OSBPL11: variants seen among roughly 807,000 people sequenced by gnomAD.
OSBPL11 encodes the protein oxysterol binding protein like 11, also known as oxysterol-binding protein-related protein 11.
OSBPL11 carries 33 observed loss-of-function variants against 84.4 expected under a neutral mutation model. That is an observed-to-expected ratio of 0.39 (90% confidence interval 0.30 to 0.52). OSBPL11 has a LOEUF of 0.52. OSBPL11 is among the 20% of genes least tolerant of loss of function. The pLI is 0.72. For missense variants in OSBPL11, 736 were observed against 901.1 expected, an observed-to-expected ratio of 0.82 and a Z score of 2.35; for synonymous variants, 276 against 310.2, an observed-to-expected ratio of 0.89 and a Z score of 1.16.
At chr3:125,567,274 G>C in intron 6 of OSBPL11, 120 bp downstream of exon 6, 2 of 820,814 alleles carry the variant, frequency 2.4e-6, no homozygotes, top group Non-Finnish European at 3.9e-6. Context: ...AAACCAACAG[G>C]CTCTGGTTTT....
chr3:125,563,867 C>T (rs376355143), intron 6 of OSBPL11, 24 bp from the exon 7 acceptor site: 50 of 1,607,024 alleles, frequency 3.1e-5, no homozygotes, highest in East Asian at 6.7e-5. Flanking sequence ...AGAAAACTTT[C>T]GCTGAAACTT....
rs201858368 is a variant in OSBPL11 at position 125,540,328 on chromosome 3, C to CA, written c.1842-1696dup. ...TGGGCGACAGAGGATGGCTCTGTCT[C>CA]AAAAAAAAAAAAAAAAAAAAAAAAA... On this transcript the variant is annotated intron_variant, in intron 10 of 12. Coordinates refer to ENST00000296220, the MANE Select transcript of OSBPL11 (RefSeq NM_022776.5). Among the ~76,000 whole-genome samples, 312 of 85,274 alleles carry CA rather than the reference C, an allele frequency of 3.7e-3. 29 individuals carry two copies. Among genetic ancestry groups the CA allele is most frequent in the Middle Eastern group, 0.026 (4 of 156 alleles). The allele number at this position is 85,274 out of a possible 152,430, so 55.9% of individuals were successfully genotyped here. A position where few individuals can be genotyped will look rare whatever the true frequency, so the allele number is the denominator to read the frequency against.
intron 3 of OSBPL11, 31 bp from the exon 4 acceptor site, chr3:125,579,070 T>C (rs1450310759): frequency 1.4e-6 from 2 of 1,449,622 alleles, no homozygotes; most frequent in South Asian, 2.5e-5. Flanking sequence ...TTATTTTATA[T>C]TTATTTATTC....
At chr3:125,578,702 C>T (rs575483063) in intron 4 of OSBPL11, among the ~76,000 whole-genome samples, 1 of 151,772 alleles carries the variant, frequency 6.6e-6, no homozygotes, top group African/African-American at 2.4e-5. Context: ...ACCCGGGAGG[C>T]AGAGGTTGCA....
chr3:125,588,277 A>C (rs1365434235), intron 1 of OSBPL11, among the ~76,000 whole-genome samples: 1 of 151,946 alleles, frequency 6.6e-6, no homozygotes, highest in African/African-American at 2.4e-5. Context: ...GTAAGATATG[A>C]CAAAGACTGA....
intron 1 of OSBPL11, among the ~76,000 whole-genome samples, chr3:125,592,922 T>C (rs1381509921): frequency 6.6e-6 from 1 of 152,086 alleles, no homozygotes; most frequent in Non-Finnish European, 1.5e-5. Flanking sequence ...AACACATAAG[T>C]GTAAATCTTT....
At chr3:125,571,782 C>T (rs540746753) in intron 5 of OSBPL11, among the ~76,000 whole-genome samples, 117 of 152,314 alleles carry the variant, frequency 7.7e-4, no homozygotes, top group African/African-American at 2.7e-3. Flanking sequence ...CACCTGGATG[C>T]CCAGGCAGAG....
At chr3:125,560,822 C>T (rs1260270537) in intron 7 of OSBPL11, among the ~76,000 whole-genome samples, 6 of 152,166 alleles carry the variant, frequency 3.9e-5, no homozygotes, top group Non-Finnish European at 5.9e-5. Context: ...CTCCAGCCTC[C>T]AGAGTCGCTG....
chr3:125,593,102 T>C (rs940949913), intron 1 of OSBPL11, among the ~76,000 whole-genome samples: 1 of 152,150 alleles, frequency 6.6e-6, no homozygotes, highest in Non-Finnish European at 1.5e-5. Flanking sequence ...ACCAACTTAA[T>C]AGACTCCCGG....
chr3:125,531,812 T>C, intron 12 of OSBPL11, 49 bp downstream of exon 12: 1 of 1,532,654 alleles, frequency 6.5e-7, no homozygotes, highest in South Asian at 1.3e-5. Flanking sequence ...TAAGCTAAAG[T>C]TCTCAGCCAA....
At chr3:125,581,381 C>T (rs1212829414) in intron 2 of OSBPL11, among the ~76,000 whole-genome samples, 3 of 151,248 alleles carry the variant, frequency 2.0e-5, no homozygotes, top group African/African-American at 7.3e-5. Flanking sequence ...TGTGAGTCAC[C>T]TCATCTGGCC....
intron 11 of OSBPL11, among the ~76,000 whole-genome samples, chr3:125,536,507 C>G (rs73191152): frequency 0.067 from 10,177 of 152,126 alleles, 475 homozygotes; most frequent in African/African-American, 0.13. Context: ...CACCAGAAAA[C>G]TAATTGGGAA....
Position 125,552,412 on chromosome 3 carries a change from T to C in OSBPL11, c.1423A>G (p.Ser475Gly). ...KSEVASSVFS[S>G]SSTQGVTNHA... ...TTTGTGACTCCCTGGGTGGAAGAACTGCTAAAAACACTGGATGCTACCTCG... is the reference window on the plus strand; with the variant it reads ...TTTGTGACTCCCTGGGTGGAAGAACCGCTAAAAACACTGGATGCTACCTCG... The change falls in exon 9 of 13, where the codon AGT (serine) becomes GGT (glycine). Residue 475 changes from serine to glycine, a missense_variant. Transcript: ENST00000296220. 6.2e-7 allele frequency: 1 copy of C among 1,614,148 alleles called. No individual in the cohort carries two copies. The highest frequency in any genetic ancestry group is 1.1e-5 in the South Asian group (1 of 91,086).
intron 8 of OSBPL11, among the ~76,000 whole-genome samples, chr3:125,554,405 A>G (rs1430768835): frequency 6.6e-6 from 1 of 152,256 alleles, no homozygotes; most frequent in Non-Finnish European, 1.5e-5. Flanking sequence ...GACTAAACCT[A>G]GAAGAAAAAC....
chr3:125,538,313 G>T (rs760620585), intron 11 of OSBPL11, 138 bp downstream of exon 11: 4 of 724,672 alleles, frequency 5.5e-6, no homozygotes, highest in Non-Finnish European at 9.1e-6. Flanking sequence ...TTTAACAACA[G>T]ATCAGACTAA....
chr3:125,581,790 T>C (rs1356291407), intron 2 of OSBPL11, among the ~76,000 whole-genome samples: 1 of 149,152 alleles, frequency 6.7e-6, no homozygotes. Flanking sequence ...CTGGCCAACA[T>C]GGCAAAACCC....
At chr3:125,545,214 A>G (rs1225969359) in intron 10 of OSBPL11, among the ~76,000 whole-genome samples, 2 of 152,240 alleles carry the variant, frequency 1.3e-5, no homozygotes, top group African/African-American at 2.4e-5. Context: ...CTATGTAAGG[A>G]CACATGCAAC....
rs1580062505 is a variant in OSBPL11 at position 125,582,442 on chromosome 3, C to A, written c.233+468G>T. Among the ~76,000 whole-genome samples the A allele has an allele frequency of 2.0e-5, 3 of 152,304 alleles. No homozygotes were observed. The East Asian group carries it at 5.8e-4, about 29-fold the overall frequency. ...AATTTGATCCCGTTTAATATGCCTG[C>A]CCCACAACTACAATTCTATAAAGTA... On this transcript the variant is annotated intron_variant, in intron 2 of 12. Transcript: ENST00000296220.
chr3:125,561,603 T>C (rs536059182), intron 7 of OSBPL11, among the ~76,000 whole-genome samples: 9 of 152,342 alleles, frequency 5.9e-5, no homozygotes, highest in African/African-American at 9.6e-5. Flanking sequence ...AGTCGTATCA[T>C]GTACCAATCT....
Sources: allele counts gnomAD v4.1 joint callset (sites outside exome capture counted in the v4.1 genomes callset), GRCh38; gene constraint gnomAD v4.1.1; transcripts MANE v1.5; gene names NCBI Gene and HGNC (gene_info 2026-07-23, HGNC 2026-07-21).